TCF4: variants seen among roughly 807,000 people sequenced by gnomAD.
TCF4 encodes the protein SL3-3 enhancer factor 2.
A neutral mutation model predicts 82.1 loss-of-function variants in TCF4; 3 were observed. That is an observed-to-expected ratio of 0.04 (90% CI 0.02 to 0.09). The LOEUF (loss-of-function observed/expected upper bound fraction) is 0.09, where lower values mean the gene tolerates loss of function less well. Among genes scored for constraint, TCF4 ranks in the 10% least tolerant of loss-of-function variants. The probability of loss-of-function intolerance (pLI) is 1.00; values close to 1 mark genes in which losing one functional copy is unlikely to be tolerated. For missense variants in TCF4, 518 were observed against 852.7 expected (o/e 0.61, Z 4.89); for synonymous variants, 276 against 309.6 (o/e 0.89, Z 1.14).
intron 10 of TCF4, among the ~76,000 whole-genome samples, chr18:55,272,193 C>T (rs2060527926): frequency 1.3e-5 from 2 of 151,942 alleles, no homozygotes; most frequent in Non-Finnish European, 2.9e-5. Flanking sequence ...AGGAGTGAAC[C>T]AATGGAATCC....
At chr18:55,482,782 T>A (rs1376961142) in intron 3 of TCF4, 1 of 152,168 alleles carries the variant, frequency 6.6e-6, no homozygotes, top group Admixed American at 6.5e-5. Context: ...CTGCAGAACT[T>A]GAACACGTGG....
chr18:55,263,663 G>A (rs1227401553), intron 11 of TCF4, among the ~76,000 whole-genome samples: 1 of 150,510 alleles, frequency 6.6e-6, no homozygotes, highest in East Asian at 1.9e-4. Flanking sequence ...AAATAATAAT[G>A]ATGTGAAATA....
At chr18:55,603,123 A>G (rs1369428476) in intron 2 of TCF4, among the ~76,000 whole-genome samples, 4 of 152,142 alleles carry the variant, frequency 2.6e-5, no homozygotes, top group Non-Finnish European at 5.9e-5. Context: ...CCTTGGCACT[A>G]TTGATATTTC....
chr18:55,588,561 T>A (rs2097674892), upstream of TCF4: 3 of 1,530,048 alleles, frequency 2.0e-6, no homozygotes, highest in African/African-American at 2.7e-5. Context: ...TGAAATTTAT[T>A]CGAGTTTACA....
chr18:55,630,487 T>C (rs984746898), intron 2 of TCF4, among the ~76,000 whole-genome samples: 4 of 152,178 alleles, frequency 2.6e-5, no homozygotes, highest in Admixed American at 2.6e-4. Flanking sequence ...AAAGGAAATA[T>C]GTCAGATGAA....
intron 5 of TCF4, among the ~76,000 whole-genome samples, chr18:55,459,797 T>G (rs1051282746): frequency 6.6e-6 from 1 of 152,180 alleles, no homozygotes; most frequent in Non-Finnish European, 1.5e-5. Context: ...ATATGAAATT[T>G]ACTACTTTGA....
rs543269106 is a variant in TCF4, at chr18:55,222,842, C to T, written c.*5193G>A. On this transcript the variant is annotated 3_prime_UTR_variant, in exon 20 of 20. Transcript: ENST00000354452. The stretch of plus-strand genomic sequence containing the variant: ...TTTTCCTTCCATGATAGTTGACACA[C>T]GTCAGTTTGTACAAGTTAGAAAAAA... 8.5e-5 allele frequency: 13 copies of T among 152,630 alleles called. No individual in the cohort carries two copies. The highest frequency in any genetic ancestry group is 3.9e-4 in the East Asian group (2 of 5,190). 9.5% of individuals were successfully genotyped at this position (152,630 alleles called of 1,614,324 possible).
chr18:55,491,218 G>A (rs554088736), intron 3 of TCF4, among the ~76,000 whole-genome samples: 2 of 152,110 alleles, frequency 1.3e-5, no homozygotes, highest in African/African-American at 2.4e-5. Context: ...TTATTTATGA[G>A]AAAAAGTTGG....
At chr18:55,577,437 A>G (rs2097540600) in intron 3 of TCF4, among the ~76,000 whole-genome samples, 1 of 151,872 alleles carries the variant, frequency 6.6e-6, no homozygotes, top group Non-Finnish European at 1.5e-5. Flanking sequence ...AAATATAAAT[A>G]AAGATACTTT....
At chr18:55,295,176 C>T (rs1262919740) in intron 8 of TCF4, among the ~76,000 whole-genome samples, 1 of 152,220 alleles carries the variant, frequency 6.6e-6, no homozygotes, top group African/African-American at 2.4e-5. Flanking sequence ...TTGGCCTACA[C>T]TGCTCATTTT....
At chr18:55,601,466 G>A (rs1259677980) in intron 2 of TCF4, among the ~76,000 whole-genome samples, 19 of 142,716 alleles carry the variant, frequency 1.3e-4, no homozygotes, top group Non-Finnish European at 1.4e-4. Flanking sequence ...CCATAACTGA[G>A]AAAAAAAAAA....
intron 8 of TCF4, among the ~76,000 whole-genome samples, chr18:55,295,418 A>G (rs900545132): frequency 2.0e-5 from 3 of 152,042 alleles, no homozygotes; most frequent in African/African-American, 7.2e-5. Context: ...TTCCACACTC[A>G]CTACTTCAAT....
At chr18:55,603,024 T>C (rs912653465) in intron 2 of TCF4, among the ~76,000 whole-genome samples, 1 of 152,146 alleles carries the variant, frequency 6.6e-6, no homozygotes, top group Non-Finnish European at 1.5e-5. Flanking sequence ...AGCTTTACAG[T>C]TGGGGGACAT....
intron 3 of TCF4, among the ~76,000 whole-genome samples, chr18:55,503,909 T>C (rs1053149089): frequency 2.6e-5 from 4 of 152,160 alleles, no homozygotes; most frequent in African/African-American, 9.7e-5. Flanking sequence ...ACTCCATCTC[T>C]ACTAAAAATA....
intron 6 of TCF4, among the ~76,000 whole-genome samples, chr18:55,386,540 T>C (rs1283419738): frequency 1.3e-5 from 2 of 152,164 alleles, no homozygotes. Context: ...CAAGTACTAG[T>C]TTATTGACTA....
intron 3 of TCF4, among the ~76,000 whole-genome samples, chr18:55,515,230 G>A (rs2096869937): frequency 6.6e-6 from 1 of 152,098 alleles, no homozygotes; most frequent in South Asian, 2.1e-4. Flanking sequence ...AGAATCCAAG[G>A]TAGGAAAACA....
intron 8 of TCF4, 69 bp downstream of exon 8, chr18:55,350,290 A>G: frequency 6.7e-7 from 1 of 1,481,930 alleles, no homozygotes; most frequent in Non-Finnish European, 9.4e-7. Flanking sequence ...ATTTACTTCT[A>G]TCTCCTTCCC....
rs1357062916 is a variant in TCF4, at chr18:55,225,022, G to A, written c.*3013C>T. On this transcript the variant is annotated 3_prime_UTR_variant, in exon 20 of 20. Transcript: ENST00000354452. ...GTGCAGGATACCAATATCTTACCTG[G>A]GTTTGATAATTACAAAACAACAACA... The A allele has an allele frequency of 2.0e-5, 3 of 151,996 alleles. No homozygotes were observed. Among genetic ancestry groups the A allele is most frequent in the Non-Finnish European group, 2.9e-5 (2 of 67,982 alleles). 9.4% of individuals were successfully genotyped at this position (151,996 alleles called of 1,614,324 possible).
chr18:55,605,485 G>C (rs1227360751), intron 2 of TCF4, among the ~76,000 whole-genome samples: 2 of 152,210 alleles, frequency 1.3e-5, no homozygotes, highest in African/African-American at 4.8e-5. Flanking sequence ...GAGTTGGAAG[G>C]TGGACTGTTC....
Sources: gnomAD v4.1 joint callset for allele counts (sites outside exome capture counted in the v4.1 genomes callset) on GRCh38, gnomAD v4.1.1 for gene constraint, MANE v1.5 for transcripts, NCBI Gene and HGNC (gene_info 2026-07-23, HGNC 2026-07-21) for gene names.